KIAA1217: variants seen among roughly 807,000 people sequenced by gnomAD.
The protein encoded by KIAA1217 is sickle tail protein homolog.
KIAA1217 carries 88 observed loss-of-function variants against 163.9 expected under a neutral mutation model. The observed-to-expected ratio is 0.54, with a 90% CI of 0.45 to 0.64. The LOEUF is 0.64. Among genes scored for constraint, KIAA1217 ranks in the 30% least tolerant of loss-of-function variants. The pLI is 0.00. For synonymous variants in KIAA1217, 903 were observed against 923.1 expected (o/e 0.98, Z 0.39); for missense variants, 2,372 against 2,475.0 (o/e 0.96, Z 0.88).
At chr10:23,975,902 T>C (rs1208510290) in intron 1 of KIAA1217, among the ~76,000 whole-genome samples, 1 of 152,154 alleles carries the variant, frequency 6.6e-6, no homozygotes, top group Non-Finnish European at 1.5e-5. Context: ...CTCTTTTTGA[T>C]CCATTGCACC....
At chr10:24,178,504 T>G (rs1375283699) in intron 2 of KIAA1217, among the ~76,000 whole-genome samples, 1 of 152,194 alleles carries the variant, frequency 6.6e-6, no homozygotes, top group African/African-American at 2.4e-5. Context: ...CTTTGTAACT[T>G]CCTGCATCTG....
chr10:24,531,966 C>G lies in KIAA1217; in HGVS notation c.3219C>G (p.Thr1073=). ...TTTRSGDVVY[T]GRKENITAKA... ...CGAGGTCAGGCGATGTGGTCTACAC[C>G]GGCAGAAAGGAGAACATCACCGCTA... is the stretch of plus-strand genomic sequence containing the variant. Residue 1073 remains threonine, a synonymous_variant, in exon 15 of 21, where the codon ACC becomes ACG. Transcript: ENST00000376454. 1.3e-6 allele frequency: 2 copies of G among 1,585,302 alleles called. No individual in the cohort carries two copies. The highest frequency in any genetic ancestry group is 8.6e-7 in the Non-Finnish European group (1 of 1,162,478).
chr10:23,695,122 A>C lies in KIAA1217; in HGVS notation c.-433A>C, dbSNP rs937764140. 3.9e-5 allele frequency: 6 copies of C among 152,154 alleles called. No homozygotes were observed. Among genetic ancestry groups the C allele is most frequent in the African/African-American group, 1.4e-4 (6 of 41,438 alleles). 9.4% of individuals were successfully genotyped at this position (152,154 alleles called of 1,614,324 possible). ...GAGATACCCCTTCCCCCTCTTGCGC[A>C]TTTCGCAGCTGCGCTGGTGTGGGGC... On this transcript the variant is annotated 5_prime_UTR_variant, in exon 1 of 19. Transcript: ENST00000376462. The surrounding 1 kb of genome is among the most constrained non-coding windows in gnomAD (Gnocchi z 4.9).
At chr10:24,166,367 A>G (rs1399967975) in intron 2 of KIAA1217, among the ~76,000 whole-genome samples, 1 of 152,206 alleles carries the variant, frequency 6.6e-6, no homozygotes. Flanking sequence ...GTACAAATAT[A>G]CACTTAGATA....
chr10:23,886,001 A>C (rs2131201662), intron 1 of KIAA1217, among the ~76,000 whole-genome samples: 1 of 152,004 alleles, frequency 6.6e-6, no homozygotes, highest in African/African-American at 2.4e-5. Context: ...ATCACTTCAC[A>C]GTCATGAAGT....
intron 1 of KIAA1217, among the ~76,000 whole-genome samples, chr10:23,768,782 G>A (rs11013704): frequency 7.9e-5 from 12 of 152,180 alleles, no homozygotes; most frequent in East Asian, 7.7e-4. Flanking sequence ...TGACTTTCCC[G>A]CAGGCACTCG....
intron 2 of KIAA1217, among the ~76,000 whole-genome samples, chr10:24,280,886 A>G (rs376779256): frequency 5.3e-5 from 8 of 152,316 alleles, no homozygotes; most frequent in African/African-American, 1.9e-4. Flanking sequence ...TAAGAATATA[A>G]AATTATCAAA....
chr10:24,167,026 ACCC>A (rs199727165), intron 2 of KIAA1217, among the ~76,000 whole-genome samples: 2,655 of 152,050 alleles, frequency 0.017, 27 homozygotes, highest in Middle Eastern at 0.058. Context: ...AATTAAGCAT[ACCC>A]CCTTTAGGTT....
chr10:24,200,658 T>C lies in KIAA1217; in HGVS notation c.-170-18968T>C, dbSNP rs76537766. 3.7e-3 allele frequency among the ~76,000 whole-genome samples: 570 copies of C among 152,340 alleles called. 8 individuals carry two copies. The highest frequency in any genetic ancestry group is 0.013 in the African/African-American group (553 of 41,576). ...ACGCCACCTGTATCCCTTCGCTATA[T>C]ATTTCATATTCGAATTCTGTAAAGG... On this transcript the variant is annotated intron_variant, in intron 2 of 18. Transcript: ENST00000376462.
intron 2 of KIAA1217, among the ~76,000 whole-genome samples, chr10:24,085,055 A>G (rs1001748619): frequency 1.5e-4 from 22 of 151,556 alleles, no homozygotes; most frequent in African/African-American, 5.1e-4. Context: ...CTGGGACTAC[A>G]GGCGCCCGCC....
chr10:24,393,471 C>A (rs371449366), intron 3 of KIAA1217, among the ~76,000 whole-genome samples: 3 of 152,238 alleles, frequency 2.0e-5, no homozygotes, highest in Admixed American at 1.3e-4. Flanking sequence ...AGGCGAGAGC[C>A]CCCAGGCACC....
intron 1 of KIAA1217, among the ~76,000 whole-genome samples, chr10:23,722,154 A>C (rs556579400): frequency 6.6e-6 from 1 of 152,326 alleles, no homozygotes; most frequent in Admixed American, 6.5e-5. Context: ...AGTCAAGAAG[A>C]AAGTAGAATG....
chr10:23,898,558 T>C (rs1841809580), intron 1 of KIAA1217, among the ~76,000 whole-genome samples: 1 of 152,114 alleles, frequency 6.6e-6, no homozygotes, highest in Non-Finnish European at 1.5e-5. Context: ...TGTATTCTTC[T>C]GCAACTTTCT....
At chr10:24,396,646 T>C (rs1319933815) in intron 3 of KIAA1217, among the ~76,000 whole-genome samples, 2 of 152,050 alleles carry the variant, frequency 1.3e-5, no homozygotes, top group Non-Finnish European at 2.9e-5. Context: ...GCCATGCAGA[T>C]ATCTGGGGGA....
At chr10:23,937,065 G>C (rs1843562182) in intron 1 of KIAA1217, among the ~76,000 whole-genome samples, 1 of 152,124 alleles carries the variant, frequency 6.6e-6, no homozygotes, top group Non-Finnish European at 1.5e-5. Flanking sequence ...AGTAGAGACA[G>C]GTTTTCGCCG....
At chr10:23,961,832 A>G (rs942058619) in intron 1 of KIAA1217, among the ~76,000 whole-genome samples, 81 of 152,248 alleles carry the variant, frequency 5.3e-4, no homozygotes, top group African/African-American at 1.9e-3. Context: ...TGAAGGATCT[A>G]TTCCAGACCT....
chr10:23,950,353 T>C (rs1443536752), intron 1 of KIAA1217, among the ~76,000 whole-genome samples: 5 of 152,188 alleles, frequency 3.3e-5, no homozygotes. Context: ...TTTGAACATG[T>C]CTTCTATGTT....
intron 2 of KIAA1217, among the ~76,000 whole-genome samples, chr10:24,307,969 G>A (rs1374133499): frequency 6.6e-6 from 1 of 152,198 alleles, no homozygotes; most frequent in South Asian, 2.1e-4. Flanking sequence ...GTCTCTGCCT[G>A]AGCCATAGAA....
intron 2 of KIAA1217, among the ~76,000 whole-genome samples, chr10:24,088,395 A>C: frequency 8.6e-6 from 1 of 116,836 alleles, no homozygotes; most frequent in Non-Finnish European, 2.1e-5. Flanking sequence ...TGCTGCACCC[A>C]TTAACTCGTC....
Sources: gnomAD v4.1 joint callset for allele counts (sites outside exome capture counted in the v4.1 genomes callset) on GRCh38, gnomAD v4.1.1 for gene constraint, Gnocchi (gnomAD v3.1) non-coding constraint, MANE v1.5 for transcripts, NCBI Gene and HGNC (gene_info 2026-07-23, HGNC 2026-07-21) for gene names.